ZMIZ1: variants seen among roughly 807,000 people sequenced by gnomAD.
ZMIZ1 encodes zinc finger MIZ domain-containing protein 1.
In ZMIZ1, 17 loss-of-function variants were observed where a neutral mutation model predicts 113.9. The ratio of observed to expected loss-of-function variants is 0.15; its 90% CI spans 0.10 to 0.22. ZMIZ1 has a LOEUF of 0.22. Ranked by LOEUF, ZMIZ1 falls within the 10% of genes least tolerant of loss-of-function variation. The pLI is 1.00. For synonymous variants in ZMIZ1, 607 were observed against 603.1 expected (o/e 1.01, Z -0.09); for missense variants, 1,059 against 1,477.8 (o/e 0.72, Z 4.65).
intron 14 of ZMIZ1, 48 bp downstream of exon 14, chr10:79,297,738 C>T (rs1419332885): frequency 3.2e-6 from 5 of 1,542,228 alleles, no homozygotes; most frequent in Non-Finnish European, 4.5e-6. Context: ...GGAGTTGTTG[C>T]CTCTAAAGGT....
At chr10:79,169,341 T>C (rs1387120093) in intron 4 of ZMIZ1, among the ~76,000 whole-genome samples, 1 of 152,110 alleles carries the variant, frequency 6.6e-6, no homozygotes, top group Admixed American at 6.5e-5. Context: ...CAGGTAGGGG[T>C]TCCCAGTTGC....
intron 1 of ZMIZ1, among the ~76,000 whole-genome samples, chr10:79,075,440 C>T (rs1050722283): frequency 6.6e-6 from 1 of 152,230 alleles, no homozygotes; most frequent in Admixed American, 6.5e-5. Context: ...CCTCCAGAGA[C>T]TTCTGCCCCT....
At chr10:79,145,366 G>C (rs1177747422) in intron 3 of ZMIZ1, among the ~76,000 whole-genome samples, 2 of 115,710 alleles carry the variant, frequency 1.7e-5, no homozygotes, top group South Asian at 2.8e-4. Context: ...GTGCTGGGCT[G>C]GGGGCTGGGG....
intron 7 of ZMIZ1, among the ~76,000 whole-genome samples, chr10:79,230,310 T>C (rs1229638795): frequency 1.3e-5 from 2 of 152,148 alleles, no homozygotes; most frequent in African/African-American, 2.4e-5. Context: ...GCCAGGGTCA[T>C]CTGCAGCGTC....
rs190385164 is a variant in ZMIZ1 at position 79,209,981 on chromosome 10, G to A, written c.174+1532G>A. ...CACCATCTGGCTCCCTCAGGCCACC[G>A]GGCCAAATCGAGCAGCCACCTGCAC... On this transcript the variant is annotated intron_variant, in intron 6 of 24. Coordinates refer to ENST00000334512, the MANE Select transcript of ZMIZ1 (RefSeq NM_020338.4). Among the ~76,000 whole-genome samples the A allele has an allele frequency of 2.8e-3, 423 of 152,326 alleles. 3 individuals are homozygous for A. The highest frequency in any genetic ancestry group is 9.8e-3 in the African/African-American group (408 of 41,584).
intron 3 of ZMIZ1, among the ~76,000 whole-genome samples, chr10:79,157,937 G>A (rs905400791): frequency 2.0e-5 from 3 of 152,040 alleles, no homozygotes; most frequent in East Asian, 1.9e-4. Context: ...CAGCTGTTTG[G>A]CACATCTGTA....
chr10:79,142,979 C>G (rs1462207143), intron 3 of ZMIZ1, among the ~76,000 whole-genome samples: 1 of 152,188 alleles, frequency 6.6e-6, no homozygotes, highest in Non-Finnish European at 1.5e-5. Context: ...AGCACCTGCT[C>G]CCAGTTAGGG....
In ZMIZ1 at chr10:79,290,987, ACAACCCCATGAATCCAGGCGG is replaced by A; in HGVS notation, c.580_600del (p.Asn194_Met200del). Reference sequence around the variant, plus strand: ...CTTGGGAACCCTATGGCCAATGCCAACAACCCCATGAATCCAGGCGGCAACCCCATGGCGTCGGGCATGACC... The same window carrying A: ...CTTGGGAACCCTATGGCCAATGCCAACAACCCCATGGCGTCGGGCATGACC... On this transcript the variant is annotated inframe_deletion, in exon 10 of 25. Coordinates refer to ENST00000334512, the MANE Select transcript of ZMIZ1 (RefSeq NM_020338.4). 6.2e-7 allele frequency: 1 copy of A among 1,614,144 alleles called. No individual in the cohort carries two copies. Among genetic ancestry groups the A allele is most frequent in the Middle Eastern group, 1.7e-4 (1 of 6,060 alleles).
At chr10:79,275,062 G>A (rs1852189585) in intron 7 of ZMIZ1, among the ~76,000 whole-genome samples, 1 of 152,266 alleles carries the variant, frequency 6.6e-6, no homozygotes, top group Admixed American at 6.5e-5. Context: ...TGCTTGGCGT[G>A]CAAATGAGTT....
Position 79,208,412 on chromosome 10 carries a change from A to G in ZMIZ1, c.137A>G (p.Gln46Arg), listed in dbSNP as rs757649296. ...TGGTGCGGAGACCCACGGGCCTTCC[A>G]GCGGCCCTTCGAGCAGAGCCTGATG... ...LDWCGDPRAF[Q>R]RPFEQSLMGC... The change falls in exon 6 of 25, where the codon CAG (glutamine) becomes CGG (arginine). Residue 46 changes from glutamine to arginine, a missense_variant. By Grantham distance (43) the Gln-to-Arg change is conservative. Transcript: ENST00000334512. The G allele has an allele frequency of 6.2e-7, 1 of 1,614,052 alleles. No homozygotes were observed. The highest frequency in any genetic ancestry group is 8.5e-7 in the Non-Finnish European group (1 of 1,180,028).
intron 18 of ZMIZ1, 133 bp downstream of exon 18, chr10:79,302,345 T>TCA (rs1402579256): frequency 1.1e-6 from 1 of 873,766 alleles, no homozygotes; most frequent in Non-Finnish European, 1.8e-6. Flanking sequence ...GGAGTGTCCC[T>TCA]GAGCGCGCCC....
intron 1 of ZMIZ1, among the ~76,000 whole-genome samples, chr10:79,080,581 T>C (rs1811546393): frequency 6.6e-6 from 1 of 152,134 alleles, no homozygotes; most frequent in Non-Finnish European, 1.5e-5. Context: ...AGTGCTGGGA[T>C]TATAGACGTG....
At chr10:79,246,371 A>G (rs1036278940) in intron 7 of ZMIZ1, among the ~76,000 whole-genome samples, 2 of 152,216 alleles carry the variant, frequency 1.3e-5, no homozygotes, top group African/African-American at 4.8e-5. Flanking sequence ...TCGGGTCCTC[A>G]GGAACAGAGA....
chr10:79,223,802 G>C (rs1200288040), intron 7 of ZMIZ1, among the ~76,000 whole-genome samples: 1 of 152,174 alleles, frequency 6.6e-6, no homozygotes, highest in African/African-American at 2.4e-5. Context: ...GGCCTGGCCT[G>C]GGCCAGGGGC....
chr10:79,229,982 C>T (rs1229582764), intron 7 of ZMIZ1, among the ~76,000 whole-genome samples: 1 of 152,178 alleles, frequency 6.6e-6, no homozygotes, highest in Non-Finnish European at 1.5e-5. Flanking sequence ...AACTGAGGCT[C>T]AGAGAGGTTA....
chr10:79,188,389 C>T (rs1056741275), intron 4 of ZMIZ1, among the ~76,000 whole-genome samples: 17 of 152,200 alleles, frequency 1.1e-4, no homozygotes, highest in African/African-American at 3.4e-4. Context: ...CCGCTCTTCC[C>T]GCCCCCGAGC....
intron 4 of ZMIZ1, among the ~76,000 whole-genome samples, chr10:79,174,182 G>T (rs1489596499): frequency 6.6e-6 from 1 of 152,206 alleles, no homozygotes; most frequent in Non-Finnish European, 1.5e-5. Flanking sequence ...GGGCAGGCCT[G>T]CCCATATTAG....
chr10:79,252,872 C>T lies in ZMIZ1; in HGVS notation c.281-24309C>T, dbSNP rs528130868. On this transcript the variant is annotated intron_variant, in intron 7 of 24. Transcript: ENST00000334512. Reference sequence around the variant, plus strand: ...TGGTATGTGCAGGAATGTGGCATTTCTTCAAGTTCATAACTATGACTATAG... The same window carrying T: ...TGGTATGTGCAGGAATGTGGCATTTTTTCAAGTTCATAACTATGACTATAG... Among the ~76,000 whole-genome samples the T allele has an allele frequency of 7.9e-5, 12 of 152,348 alleles. No homozygotes were observed. The South Asian group carries it at 2.5e-3, about 32-fold the overall frequency.
rs554790138 is a variant in ZMIZ1 at position 79,275,792 on chromosome 10, G to T, written c.281-1389G>T. 3.3e-5 allele frequency among the ~76,000 whole-genome samples: 5 copies of T among 152,308 alleles called. No individual in the cohort carries two copies. The East Asian group carries it at 7.7e-4, about 24-fold the overall frequency. ...ACTGTCTCTGTCCCTGCTGACTCTGGCTGTGGTTACTGTGAGTAGCTTTGC... is the reference window on the plus strand; with the variant it reads ...ACTGTCTCTGTCCCTGCTGACTCTGTCTGTGGTTACTGTGAGTAGCTTTGC... On this transcript the variant is annotated intron_variant, in intron 7 of 24. Coordinates refer to ENST00000334512, the MANE Select transcript of ZMIZ1 (RefSeq NM_020338.4).
Sources: allele counts gnomAD v4.1 joint callset (sites outside exome capture counted in the v4.1 genomes callset), GRCh38; gene constraint gnomAD v4.1.1; transcripts MANE v1.5; gene names NCBI Gene and HGNC (gene_info 2026-07-23, HGNC 2026-07-21).